CCM2: variants seen among roughly 807,000 people sequenced by gnomAD.
The protein encoded by CCM2 is CCM2 scaffold protein.
A neutral mutation model predicts 44.9 loss-of-function variants in CCM2; 25 were observed. That is an observed-to-expected ratio of 0.56 (90% CI 0.41 to 0.78). The LOEUF (loss-of-function observed/expected upper bound fraction) is 0.78, where lower values mean the gene tolerates loss of function less well. CCM2 is among the 30% of genes least tolerant of loss of function. The probability of loss-of-function intolerance (pLI) is 0.00; values close to 1 mark genes in which losing one functional copy is unlikely to be tolerated. For synonymous variants in CCM2, 219 were observed against 241.1 expected, an observed-to-expected ratio of 0.91 and a Z score of 0.85; for missense variants, 481 against 580.6, an observed-to-expected ratio of 0.83 and a Z score of 1.76.
intron 1 of CCM2, among the ~76,000 whole-genome samples, chr7:45,005,464 G>C (rs1381683116): frequency 1.3e-5 from 2 of 152,236 alleles, no homozygotes; most frequent in African/African-American, 4.8e-5. Context: ...CAGACGAGAA[G>C]GGCGTCTGCA....
intron 1 of CCM2, among the ~76,000 whole-genome samples, chr7:45,001,008 G>A (rs1343827622): frequency 6.6e-6 from 1 of 152,166 alleles, no homozygotes; most frequent in South Asian, 2.1e-4. Context: ...CCATTAAAGT[G>A]GAAAATGGAT....
At chr7:45,028,286 C>T (rs1715482197) in intron 1 of CCM2, among the ~76,000 whole-genome samples, 2 of 152,334 alleles carry the variant, frequency 1.3e-5, no homozygotes, top group South Asian at 4.1e-4. Context: ...GTGTGGCCTC[C>T]TGTGGGCACT....
intron 1 of CCM2, among the ~76,000 whole-genome samples, chr7:45,005,458 C>T (rs79484360): frequency 0.016 from 2,478 of 152,338 alleles, 28 homozygotes; most frequent in Middle Eastern, 0.041. Context: ...TCCCTGCAGA[C>T]GAGAAGGGCG....
chr7:45,068,136 A>C (rs1583979396), intron 4 of CCM2: 1 of 439,684 alleles, frequency 2.3e-6, no homozygotes, highest in East Asian at 4.9e-5. Flanking sequence ...GAACACATGG[A>C]AACCTCCTGG....
intron 2 of CCM2, among the ~76,000 whole-genome samples, chr7:45,058,573 GTT>G (rs1256143514): frequency 1.4e-5 from 2 of 148,094 alleles, no homozygotes; most frequent in African/African-American, 2.5e-5. Flanking sequence ...TGCGGTGTTT[GTT>G]TTTTTGTCCT....
chr7:45,029,146 C>T (rs911635415), intron 1 of CCM2, among the ~76,000 whole-genome samples: 1 of 152,154 alleles, frequency 6.6e-6, no homozygotes, highest in Non-Finnish European at 1.5e-5. Flanking sequence ...CTGTCTCCCT[C>T]TTTAGACTGG....
chr7:45,070,929 A>C (rs1799038729), intron 6 of CCM2: 1 of 153,262 alleles, frequency 6.5e-6, no homozygotes, highest in South Asian at 2.0e-4. Flanking sequence ...TAAATGGTGG[A>C]GAAGCCTGTG....
At chr7:45,011,070 C>T (rs576834119) in intron 1 of CCM2, among the ~76,000 whole-genome samples, 8 of 152,284 alleles carry the variant, frequency 5.3e-5, no homozygotes, top group African/African-American at 1.9e-4. Context: ...GACAGGGTCT[C>T]ATTCTGTAAC....
chr7:45,065,089 A>G (rs1032260628), intron 4 of CCM2, among the ~76,000 whole-genome samples: 2 of 152,018 alleles, frequency 1.3e-5, no homozygotes, highest in African/African-American at 4.8e-5. Flanking sequence ...ACCTCCCAGG[A>G]GCTCTTGGTC....
At chr7:45,060,987 C>T (rs7788562) in intron 2 of CCM2, among the ~76,000 whole-genome samples, 104,132 of 152,154 alleles carry the variant, frequency 0.68, 36,253 homozygotes, top group African/African-American at 0.8. Flanking sequence ...GTGTGAGGTA[C>T]GTTTGGCTGG....
At chr7:45,037,135 A>G (rs1292160025) in intron 1 of CCM2, among the ~76,000 whole-genome samples, 1 of 152,034 alleles carries the variant, frequency 6.6e-6, no homozygotes, top group Non-Finnish European at 1.5e-5. Flanking sequence ...TCTCAGCACA[A>G]TTTGGGATTG....
chr7:45,045,406 T>C (rs1239258753), intron 2 of CCM2, among the ~76,000 whole-genome samples: 1 of 152,230 alleles, frequency 6.6e-6, no homozygotes, highest in Non-Finnish European at 1.5e-5. Context: ...TCCATCATAT[T>C]AACAAGCTAA....
chr7:45,030,604 C>T (rs770370447), intron 1 of CCM2, among the ~76,000 whole-genome samples: 4 of 152,124 alleles, frequency 2.6e-5, no homozygotes, highest in African/African-American at 9.7e-5. Context: ...TTTTTAGAGA[C>T]AGGTCTCGCT....
intron 1 of CCM2, among the ~76,000 whole-genome samples, chr7:45,026,496 T>C (rs1214924092): frequency 6.6e-6 from 1 of 152,198 alleles, no homozygotes; most frequent in African/African-American, 2.4e-5. Flanking sequence ...AAAACACTGT[T>C]GAAAATCAGC....
intron 4 of CCM2, among the ~76,000 whole-genome samples, chr7:45,065,652 G>A (rs1798735736): frequency 6.6e-6 from 1 of 152,218 alleles, no homozygotes; most frequent in South Asian, 2.1e-4. Context: ...GAGTCTAGAT[G>A]CTTGGGGTTG....
intron 1 of CCM2, among the ~76,000 whole-genome samples, chr7:45,015,937 C>T (rs1293293834): frequency 3.9e-5 from 6 of 152,164 alleles, no homozygotes; most frequent in African/African-American, 4.8e-5. Flanking sequence ...TTTAAAAGAC[C>T]GAAGAAAAGA....
chr7:45,040,975 G>T (rs553891571), intron 2 of CCM2, among the ~76,000 whole-genome samples: 101 of 152,310 alleles, frequency 6.6e-4, no homozygotes, highest in African/African-American at 2.2e-3. Context: ...AGGCGACAGC[G>T]TGAGACGCGG....
In CCM2 at chr7:45,064,021, C is replaced by T. The variant is rs774281601; in HGVS notation, c.288+20C>T. 3.2e-6 allele frequency: 5 copies of T among 1,561,852 alleles called. No individual in the cohort carries two copies. The highest frequency in any genetic ancestry group is 1.1e-5 in the South Asian group (1 of 90,012). On this transcript the variant is annotated intron_variant, in intron 3 of 9. Transcript: ENST00000258781. Reference sequence around the variant, plus strand: ...GCAAAGGTAACCCTATCCTCTTAACCCTGTGCACTAGCCCTCAGCCCCCAC... The same window carrying T: ...GCAAAGGTAACCCTATCCTCTTAACTCTGTGCACTAGCCCTCAGCCCCCAC...
intron 1 of CCM2, among the ~76,000 whole-genome samples, chr7:45,011,803 T>C (rs1796077309): frequency 6.6e-6 from 1 of 152,194 alleles, no homozygotes; most frequent in Non-Finnish European, 1.5e-5. Context: ...CTGCCTGCCT[T>C]GGCCTCTCTA....
Sources: allele counts gnomAD v4.1 joint callset (sites outside exome capture counted in the v4.1 genomes callset), GRCh38; gene constraint gnomAD v4.1.1; transcripts MANE v1.5; gene names NCBI Gene and HGNC (gene_info 2026-07-23, HGNC 2026-07-21).